Variants in NR3C2 observed in about 807,000 individuals in gnomAD.
The protein encoded by NR3C2 is mineralocorticoid receptor.
A neutral mutation model predicts 86.4 loss-of-function variants in NR3C2; 15 were observed. That is an observed-to-expected ratio of 0.17 (90% confidence interval 0.12 to 0.27). NR3C2 has a LOEUF of 0.27. Among genes scored for constraint, NR3C2 ranks in the 10% least tolerant of loss-of-function variants. The probability of loss-of-function intolerance (pLI) is 1.00; values close to 1 mark genes in which losing one functional copy is unlikely to be tolerated. For missense variants in NR3C2, 960 were observed against 1,195.6 expected, an observed-to-expected ratio of 0.80 and a Z score of 2.91; for synonymous variants, 458 against 450.5, an observed-to-expected ratio of 1.02 and a Z score of -0.21.
intron 4 of NR3C2, among the ~76,000 whole-genome samples, chr4:148,159,901 T>C (rs143655978): frequency 1.3e-5 from 2 of 152,232 alleles, no homozygotes; most frequent in African/African-American, 4.8e-5. Flanking sequence ...ATTGAGTTTA[T>C]GGCCATTGAG....
intron 2 of NR3C2, among the ~76,000 whole-genome samples, chr4:148,397,711 C>T (rs1158750997): frequency 6.6e-6 from 1 of 152,100 alleles, no homozygotes; most frequent in Non-Finnish European, 1.5e-5. Flanking sequence ...AGTTCTTCTG[C>T]TCTAAACTGA....
chr4:148,410,018 T>C (rs61756958), intron 2 of NR3C2, among the ~76,000 whole-genome samples: 147 of 152,242 alleles, frequency 9.7e-4, no homozygotes, highest in Non-Finnish European at 1.8e-3. Context: ...TAAATTCCAA[T>C]AACTACCATT....
chr4:148,427,609 G>GCCT (rs1560729395), intron 2 of NR3C2, among the ~76,000 whole-genome samples: 1 of 151,856 alleles, frequency 6.6e-6, no homozygotes, highest in African/African-American at 2.4e-5. Context: ...GGGAGTCTGT[G>GCCT]CCTCGGTGGG....
chr4:148,279,157 C>T (rs13138913), intron 2 of NR3C2, among the ~76,000 whole-genome samples: 1 of 151,890 alleles, frequency 6.6e-6, no homozygotes, highest in African/African-American at 2.4e-5. Flanking sequence ...TTCAAGACTC[C>T]GTCTCAATAA....
intron 2 of NR3C2, among the ~76,000 whole-genome samples, chr4:148,374,224 C>T (rs1013738459): frequency 2.6e-5 from 4 of 152,158 alleles, no homozygotes; most frequent in African/African-American, 9.7e-5. Flanking sequence ...TCAAGTTATG[C>T]AACACTCTAC....
Position 148,343,407 on chromosome 4 carries a change from G to A in NR3C2, c.1758-83290C>T, listed in dbSNP as rs60777487. ...GCAGCAGCGGGATATCCGCCCCCCCGACCCCCCCTTTTTTTTAAATGTACT... is the reference window on the plus strand; with the variant it reads ...GCAGCAGCGGGATATCCGCCCCCCCAACCCCCCCTTTTTTTTAAATGTACT... On this transcript the variant is annotated intron_variant, in intron 2 of 8. Transcript: ENST00000358102. 8.1e-3 allele frequency among the ~76,000 whole-genome samples: 648 copies of A among 80,416 alleles called. 3 individuals are homozygous for A. The highest frequency in any genetic ancestry group is 0.026 in the African/African-American group (576 of 22,130). The allele number at this position is 80,416 out of a possible 152,430, so 52.8% of individuals were successfully genotyped here. A position where few individuals can be genotyped will look rare whatever the true frequency, so the allele number is the denominator to read the frequency against.
chr4:148,204,002 T>C (rs182474479), intron 3 of NR3C2, among the ~76,000 whole-genome samples: 9 of 152,344 alleles, frequency 5.9e-5, no homozygotes, highest in Non-Finnish European at 8.8e-5. Flanking sequence ...TTATTTTTTT[T>C]TCCTGTGGTG....
At chr4:148,104,923 C>T (rs1268903445) in intron 8 of NR3C2, among the ~76,000 whole-genome samples, 2 of 152,146 alleles carry the variant, frequency 1.3e-5, no homozygotes, top group African/African-American at 4.8e-5. Flanking sequence ...ATTTTGGCCT[C>T]AGAACATTTC....
At chr4:148,275,367 T>C (rs1289939204) in intron 2 of NR3C2, among the ~76,000 whole-genome samples, 1 of 151,874 alleles carries the variant, frequency 6.6e-6, no homozygotes, top group East Asian at 1.9e-4. Flanking sequence ...ATATAAATCA[T>C]AAAAGCAAAG....
chr4:148,096,352 C>CACTA (rs1265735425), intron 8 of NR3C2, among the ~76,000 whole-genome samples: 2 of 152,174 alleles, frequency 1.3e-5, no homozygotes, highest in African/African-American at 2.4e-5. Context: ...TGCAAATGTA[C>CACTA]ACTATGCTGA....
chr4:148,208,783 C>T (rs1230094000), intron 3 of NR3C2: 4 of 152,162 alleles, frequency 2.6e-5, no homozygotes, highest in African/African-American at 9.7e-5. Context: ...CAGTTTGTCC[C>T]ATTATTACCT....
At chr4:148,101,967 C>T (rs988766862) in intron 8 of NR3C2, among the ~76,000 whole-genome samples, 1 of 152,172 alleles carries the variant, frequency 6.6e-6, no homozygotes, top group African/African-American at 2.4e-5. Flanking sequence ...ATTACCATGC[C>T]TTGAGTCGAT....
intron 2 of NR3C2, among the ~76,000 whole-genome samples, chr4:148,262,301 A>G (rs1579079432): frequency 6.6e-6 from 1 of 150,684 alleles, no homozygotes; most frequent in Admixed American, 6.6e-5. Context: ...CTCTTTTTCT[A>G]TCCCAACTTA....
intron 2 of NR3C2, among the ~76,000 whole-genome samples, chr4:148,289,699 A>T (rs1741707207): frequency 6.6e-6 from 1 of 152,124 alleles, no homozygotes; most frequent in Non-Finnish European, 1.5e-5. Context: ...AACTAATAGA[A>T]CAGAGCAAAA....
intron 2 of NR3C2, among the ~76,000 whole-genome samples, chr4:148,306,392 A>G (rs1475637937): frequency 1.3e-5 from 2 of 152,232 alleles, no homozygotes; most frequent in African/African-American, 4.8e-5. Flanking sequence ...GTGAATTTTC[A>G]GGTGAATCAA....
intron 4 of NR3C2, among the ~76,000 whole-genome samples, chr4:148,184,925 C>A (rs1735821863): frequency 6.6e-6 from 1 of 152,184 alleles, no homozygotes; most frequent in Admixed American, 6.6e-5. Flanking sequence ...CCTGGGCAAG[C>A]CACTTAACTT....
chr4:148,300,656 T>G (rs902827483), intron 2 of NR3C2, among the ~76,000 whole-genome samples: 7 of 143,816 alleles, frequency 4.9e-5, no homozygotes, highest in Non-Finnish European at 9.0e-5. Context: ...CGCAATCTCC[T>G]CCACCTCCTG....
chr4:148,245,377 TAAG>T (rs1739270258), intron 3 of NR3C2, among the ~76,000 whole-genome samples: 1 of 152,164 alleles, frequency 6.6e-6, no homozygotes, highest in Admixed American at 6.5e-5. Context: ...TGAAATAAAA[TAAG>T]AAACACTTTG....
intron 2 of NR3C2, among the ~76,000 whole-genome samples, chr4:148,374,120 TTCTC>T (rs553354900): frequency 4.6e-5 from 7 of 152,240 alleles, no homozygotes; most frequent in East Asian, 1.9e-4. Context: ...TTTACTCACA[TTCTC>T]TCTATGAATG....
Sources: allele counts gnomAD v4.1 joint callset (sites outside exome capture counted in the v4.1 genomes callset), GRCh38; gene constraint gnomAD v4.1.1; transcripts MANE v1.5; gene names NCBI Gene and HGNC (gene_info 2026-07-23, HGNC 2026-07-21).